Variants in FUT8 observed in about 807,000 individuals in gnomAD.
The protein encoded by FUT8 is fucosyltransferase 8.
FUT8 carries 29 observed loss-of-function variants against 71.3 expected under a neutral mutation model. The ratio of observed to expected loss-of-function variants is 0.41; its 90% CI spans 0.30 to 0.55. The LOEUF is 0.55. Ranked by LOEUF, FUT8 falls within the 20% of genes least tolerant of loss-of-function variation. FUT8 has a pLI of 0.34. For synonymous variants in FUT8, 254 were observed against 239.3 expected (o/e 1.06, Z -0.57); for missense variants, 544 against 702.1 (o/e 0.77, Z 2.55).
chr14:65,576,361 G>C (rs556288973), intron 3 of FUT8, among the ~76,000 whole-genome samples: 18 of 152,266 alleles, frequency 1.2e-4, no homozygotes, highest in Non-Finnish European at 2.2e-4. Context: ...CAAGGTTTGT[G>C]TGAACCAGGA....
At chr14:65,656,894 C>T (rs1229534634) in intron 6 of FUT8, among the ~76,000 whole-genome samples, 1 of 152,140 alleles carries the variant, frequency 6.6e-6, no homozygotes, top group African/African-American at 2.4e-5. Context: ...CACAAACTTA[C>T]ACTGGGGAAA....
Position 65,547,287 on chromosome 14 carries a change from A to G in FUT8, c.-227-14050A>G, listed in dbSNP as rs558360723. Among the ~76,000 whole-genome samples the G allele has an allele frequency of 2.6e-4, 40 of 151,768 alleles. 1 individual carries two copies. Among genetic ancestry groups the G allele is most frequent in the African/African-American group, 9.4e-4 (39 of 41,524 alleles). ...TGTGAACCTTTTACGTATTTCACCA[A>G]ACTTTCAAATACTTTTATACCTCTT... On this transcript the variant is annotated intron_variant, in intron 2 of 10. Transcript: ENST00000673929.
chr14:65,732,624 C>G (rs1378176710), intron 9 of FUT8, among the ~76,000 whole-genome samples: 1 of 152,140 alleles, frequency 6.6e-6, no homozygotes, highest in Non-Finnish European at 1.5e-5. Flanking sequence ...ATGGAATTTG[C>G]TTCCATAAAT....
intron 2 of FUT8, among the ~76,000 whole-genome samples, chr14:65,461,496 C>T (rs1056263127): frequency 6.6e-6 from 1 of 152,122 alleles, no homozygotes; most frequent in Non-Finnish European, 1.5e-5. Context: ...CTCTCAGTGT[C>T]CATGAAACTA....
chr14:65,684,198 A>G (rs1314113224), intron 7 of FUT8, among the ~76,000 whole-genome samples: 1 of 152,130 alleles, frequency 6.6e-6, no homozygotes, highest in Non-Finnish European at 1.5e-5. Flanking sequence ...AATATTTATC[A>G]GTACATATTC....
chr14:65,587,254 A>C (rs559828699), intron 3 of FUT8, among the ~76,000 whole-genome samples: 1 of 152,230 alleles, frequency 6.6e-6, no homozygotes, highest in South Asian at 2.1e-4. Flanking sequence ...ATTTAGGAAA[A>C]CGTTATTCAC....
chr14:65,550,815 G>A lies in FUT8; in HGVS notation c.-227-10522G>A, dbSNP rs1885243272. Among the ~76,000 whole-genome samples the A allele has an allele frequency of 1.3e-5, 2 of 152,170 alleles. No individual in the cohort carries two copies. Among genetic ancestry groups the A allele is most frequent in the Admixed American group, 6.5e-5 (1 of 15,272 alleles). Reference sequence around the variant, plus strand: ...CATTTTCCTTCTTGTTGGCATCATAGTATAAAATACATATTTTTGGCAAAG... The same window carrying A: ...CATTTTCCTTCTTGTTGGCATCATAATATAAAATACATATTTTTGGCAAAG... On this transcript the variant is annotated intron_variant, in intron 2 of 10. Transcript: ENST00000673929. The surrounding 1 kb of genome is among the most constrained non-coding windows in gnomAD (Gnocchi z 4.5).
rs117948345 is a variant in FUT8 at position 65,729,872 on chromosome 14, T to C, written c.1260-3359T>C. Reference sequence around the variant, plus strand: ...CAGCAATTTTCTCCATATTCTGTTATAAATATAGTAGTAGCCTTTTATGCA... The same window carrying C: ...CAGCAATTTTCTCCATATTCTGTTACAAATATAGTAGTAGCCTTTTATGCA... On this transcript the variant is annotated intron_variant, in intron 9 of 10. Coordinates refer to ENST00000673929, the MANE Select transcript of FUT8 (RefSeq NM_001371533.1). Among the ~76,000 whole-genome samples the C allele has an allele frequency of 2.0e-5, 3 of 152,338 alleles. No homozygotes were observed. In the East Asian group the frequency reaches 5.8e-4, roughly 29 times the overall value.
chr14:65,408,364 A>C (rs1249117083), upstream of FUT8, among the ~76,000 whole-genome samples: 1 of 152,198 alleles, frequency 6.6e-6, no homozygotes, highest in African/African-American at 2.4e-5. Flanking sequence ...GGCTATAGCT[A>C]GTCAGTCACA....
intron 5 of FUT8, 119 bp downstream of exon 5, chr14:65,616,492 A>G: frequency 1.2e-6 from 1 of 840,254 alleles, no homozygotes; most frequent in Non-Finnish European, 1.7e-6. Context: ...TACAATATTT[A>G]AGAGGCGAAG....
upstream of FUT8, chr14:65,412,305 G>A (rs1395941478): frequency 2.2e-6 from 1 of 456,712 alleles, no homozygotes; most frequent in South Asian, 1.5e-5. Context: ...CCTAAAAGTA[G>A]CAAGGAGCCA....
intron 2 of FUT8, among the ~76,000 whole-genome samples, chr14:65,477,634 C>T (rs1040327482): frequency 1.3e-5 from 2 of 151,850 alleles, no homozygotes; most frequent in African/African-American, 4.8e-5. Flanking sequence ...TTTGAAAAAC[C>T]CTAATATTGT....
intron 5 of FUT8, among the ~76,000 whole-genome samples, chr14:65,621,865 T>A (rs1366894683): frequency 6.6e-6 from 1 of 150,830 alleles, no homozygotes; most frequent in Non-Finnish European, 1.5e-5. Flanking sequence ...CGCTGTGTCA[T>A]CCAGGCAGAA....
At position 65,483,966 on chromosome 14, in the gene FUT8, A is replaced by G. The variant is rs141768036; in HGVS notation, c.-228+28248A>G. On this transcript the variant is annotated intron_variant, in intron 2 of 10. Transcript: ENST00000673929. The surrounding 1 kb of genome is among the most constrained non-coding windows in gnomAD (Gnocchi z 4.4). ...TGGTCTCGAACTCCTGACCTCAAGT[A>G]TCTGCCCTCCTCGGCCTCCCAAAGT... Among the ~76,000 whole-genome samples the G allele has an allele frequency of 1.2e-4, 18 of 152,236 alleles. No homozygotes were observed. The highest frequency in any genetic ancestry group is 3.9e-4 in the African/African-American group (16 of 41,546).
At chr14:65,364,142 A>G in the FUT8 span, among the ~76,000 whole-genome samples, 1 of 152,200 alleles carries the variant, frequency 6.6e-6, no homozygotes, top group African/African-American at 2.4e-5. Flanking sequence ...AAAAGCAGTA[A>G]CCATCTTTCC....
chr14:65,562,236 T>A (rs1411635713), intron 3 of FUT8, among the ~76,000 whole-genome samples: 4 of 152,116 alleles, frequency 2.6e-5, no homozygotes, highest in African/African-American at 9.7e-5. Flanking sequence ...GTTATGTATT[T>A]AAAAAAATTG....
intron 7 of FUT8, among the ~76,000 whole-genome samples, chr14:65,677,620 T>C (rs563482890): frequency 1.3e-5 from 2 of 152,254 alleles, no homozygotes; most frequent in East Asian, 3.9e-4. Flanking sequence ...GCAAATACTG[T>C]ATTAGGTATA....
chr14:65,582,166 A>C (rs968296179), intron 3 of FUT8, among the ~76,000 whole-genome samples: 4 of 152,130 alleles, frequency 2.6e-5, no homozygotes, highest in African/African-American at 9.7e-5. Flanking sequence ...TCTTCCATCC[A>C]ATTAAAATAA....
the FUT8 span, among the ~76,000 whole-genome samples, chr14:65,404,537 G>A: frequency 4.0e-4 from 61 of 151,418 alleles, no homozygotes; most frequent in Admixed American, 6.6e-4. Flanking sequence ...GTGCAGTGGC[G>A]CAATCTCAGC....
Sources: allele counts gnomAD v4.1 joint callset (sites outside exome capture counted in the v4.1 genomes callset), GRCh38; gene constraint gnomAD v4.1.1; non-coding constraint Gnocchi (gnomAD v3.1); transcripts MANE v1.5; gene names NCBI Gene and HGNC (gene_info 2026-07-23, HGNC 2026-07-21).